EGFR: variants seen among roughly 807,000 people sequenced by gnomAD.
EGFR encodes avian erythroblastic leukemia viral (v-erb-b) oncogene homolog.
A neutral mutation model predicts 143.0 loss-of-function variants in EGFR; 58 were observed. That is an observed-to-expected ratio of 0.41 (90% CI 0.33 to 0.50). EGFR has a LOEUF of 0.50. EGFR is among the 20% of genes least tolerant of loss of function. EGFR has a pLI of 0.39. For missense variants in EGFR, 1,307 were observed against 1,579.0 expected (o/e 0.83, Z 2.92); for synonymous variants, 613 against 594.4 (o/e 1.03, Z -0.45).
rs565894763 is a variant in EGFR at position 55,140,357 on chromosome 7, A to G, written c.89-1929A>G. ...CCCTAGGTTCTAGCTGACCCTGTTCATCTGTTTGGCACGAGGGGCCCAACT... is the reference window on the plus strand; with the variant it reads ...CCCTAGGTTCTAGCTGACCCTGTTCGTCTGTTTGGCACGAGGGGCCCAACT... On this transcript the variant is annotated intron_variant, in intron 1 of 27. Transcript: ENST00000275493. Among the ~76,000 whole-genome samples, 23 of 152,190 alleles carry G rather than the reference A, an allele frequency of 1.5e-4. 1 individual carries two copies. The South Asian group carries it at 4.8e-3, about 32-fold the overall frequency.
At chr7:55,158,350 A>G (rs1785530029) in intron 11 of EGFR, among the ~76,000 whole-genome samples, 1 of 152,192 alleles carries the variant, frequency 6.6e-6, no homozygotes, top group African/African-American at 2.4e-5. Flanking sequence ...CTCTTAGTGA[A>G]ACCCGCCTTG....
At chr7:55,182,773 A>G (rs1206732965) in intron 20 of EGFR, among the ~76,000 whole-genome samples, 1 of 152,142 alleles carries the variant, frequency 6.6e-6, no homozygotes, top group Admixed American at 6.5e-5. Flanking sequence ...GAGCACAAAA[A>G]TCACTGAATA....
chr7:55,178,055 C>T (rs1786679930), intron 19 of EGFR, among the ~76,000 whole-genome samples: 2 of 152,300 alleles, frequency 1.3e-5, no homozygotes, highest in South Asian at 2.1e-4. Context: ...CCGACACCCA[C>T]GCCCCCCGCT....
intron 1 of EGFR, among the ~76,000 whole-genome samples, chr7:55,050,584 A>C (rs1788431762): frequency 6.6e-6 from 1 of 152,036 alleles, no homozygotes; most frequent in South Asian, 2.1e-4. Flanking sequence ...TTAAAGCCCA[A>C]ATCTGATCAA....
intron 1 of EGFR, among the ~76,000 whole-genome samples, chr7:55,114,912 C>A (rs1356735278): frequency 7.3e-6 from 1 of 137,632 alleles, no homozygotes; most frequent in Non-Finnish European, 1.5e-5. Context: ...GATGGAGTCT[C>A]GCCCTGTCAC....
Position 55,205,648 on chromosome 7 carries a change from C to T in EGFR, c.*31C>T, listed in dbSNP as rs2128975763. The T allele has an allele frequency of 6.2e-7, 1 of 1,613,956 alleles. No individual in the cohort carries two copies. Among genetic ancestry groups the T allele is most frequent in the Non-Finnish European group, 8.5e-7 (1 of 1,179,946 alleles). On this transcript the variant is annotated 3_prime_UTR_variant, in exon 28 of 28. Transcript: ENST00000275493. Reference sequence around the variant, plus strand: ...GAGGATAGTATGAGCCCTAAAAATCCAGACTCTTTCGATACCCAGGACCAA... The same window carrying T: ...GAGGATAGTATGAGCCCTAAAAATCTAGACTCTTTCGATACCCAGGACCAA...
At chr7:55,087,465 A>G (rs1790838627) in intron 1 of EGFR, among the ~76,000 whole-genome samples, 1 of 152,168 alleles carries the variant, frequency 6.6e-6, no homozygotes, top group Non-Finnish European at 1.5e-5. Flanking sequence ...TCTATCCGGC[A>G]GTCTTATTCT....
At chr7:55,026,217 C>G (rs1201014199) in intron 1 of EGFR, among the ~76,000 whole-genome samples, 1 of 152,194 alleles carries the variant, frequency 6.6e-6, no homozygotes, top group Non-Finnish European at 1.5e-5. Flanking sequence ...TGTCTTTGCT[C>G]TCAGACCCCC....
chr7:55,155,067 A>G (rs1220750485), intron 7 of EGFR, among the ~76,000 whole-genome samples: 1 of 152,264 alleles, frequency 6.6e-6, no homozygotes, highest in Non-Finnish European at 1.5e-5. Flanking sequence ...AGCCTGAGAT[A>G]CCAAGAGCAG....
intron 21 of EGFR, among the ~76,000 whole-genome samples, chr7:55,192,084 C>T (rs558657162): frequency 6.6e-6 from 1 of 152,252 alleles, no homozygotes; most frequent in Non-Finnish European, 1.5e-5. Flanking sequence ...CTTGCTGGGA[C>T]AGTGAATGAG....
intron 1 of EGFR, among the ~76,000 whole-genome samples, chr7:55,024,372 G>T (rs144871335): frequency 6.6e-6 from 1 of 152,288 alleles, no homozygotes; most frequent in African/African-American, 2.4e-5. Context: ...ACTAACATGG[G>T]GGAGTAGAAT....
intron 11 of EGFR, among the ~76,000 whole-genome samples, chr7:55,158,673 T>C (rs1390658024): frequency 6.6e-6 from 1 of 152,240 alleles, no homozygotes; most frequent in Non-Finnish European, 1.5e-5. Context: ...AAGGGTTACT[T>C]ACTTTTCACA....
chr7:55,197,788 G>T (rs1431464064), intron 22 of EGFR, among the ~76,000 whole-genome samples: 1 of 152,180 alleles, frequency 6.6e-6, no homozygotes, highest in Admixed American at 6.5e-5. Context: ...CTGTTTGTGT[G>T]GTGAATCACA....
At position 55,207,141 on chromosome 7, in the gene EGFR, T is replaced by G; in HGVS notation, c.*1524T>G. The G allele has an allele frequency of 4.3e-6, 1 of 232,686 alleles. No individual in the cohort carries two copies. Among genetic ancestry groups the G allele is most frequent in the Non-Finnish European group, 8.5e-6 (1 of 117,726 alleles). The allele number at this position is 232,686 out of a possible 1,614,324, so 14.4% of individuals were successfully genotyped here. A position where few individuals can be genotyped will look rare whatever the true frequency, so the allele number is the denominator to read the frequency against. ...ACTCTCCTAGTCAATATCCACCCCA[T>G]CCAATTTATCAAGGAAGAAATGGTT... On this transcript the variant is annotated 3_prime_UTR_variant, in exon 28 of 28. Transcript: ENST00000275493.
chr7:55,184,113 G>C (rs560047672), intron 20 of EGFR, among the ~76,000 whole-genome samples: 30 of 152,364 alleles, frequency 2.0e-4, no homozygotes, highest in African/African-American at 6.5e-4. Context: ...TGGCCTGTCT[G>C]CGCCTCGTCT....
chr7:55,087,259 A>G (rs1790819356), intron 1 of EGFR, among the ~76,000 whole-genome samples: 1 of 114,638 alleles, frequency 8.7e-6, no homozygotes. Flanking sequence ...CACTTTAAGT[A>G]GTTTCTCAAT....
chr7:55,072,212 G>A (rs767128622), intron 1 of EGFR, among the ~76,000 whole-genome samples: 25 of 152,148 alleles, frequency 1.6e-4, no homozygotes, highest in South Asian at 6.2e-4. Flanking sequence ...CAGTTTAAGC[G>A]TTGTAGCTAT....
chr7:55,098,281 G>A (rs143858590), intron 1 of EGFR, among the ~76,000 whole-genome samples: 52 of 152,208 alleles, frequency 3.4e-4, no homozygotes, highest in African/African-American at 1.1e-3. Context: ...TGCAGCCTTC[G>A]GCAGCCAGGA....
At chr7:55,107,417 T>G (rs925655533) in intron 1 of EGFR, among the ~76,000 whole-genome samples, 2 of 152,228 alleles carry the variant, frequency 1.3e-5, no homozygotes, top group African/African-American at 4.8e-5. Context: ...TCTTTTTTTG[T>G]TTTCCGTGGC....
Sources: allele counts gnomAD v4.1 joint callset (sites outside exome capture counted in the v4.1 genomes callset), GRCh38; gene constraint gnomAD v4.1.1; transcripts MANE v1.5; gene names NCBI Gene and HGNC (gene_info 2026-07-23, HGNC 2026-07-21).